ANGPTL1: variants seen among roughly 807,000 people sequenced by gnomAD.
ANGPTL1 encodes angiopoietin-related protein 1.
Under a neutral mutation model 46.7 loss-of-function variants are expected in ANGPTL1, and 36 were observed. The ratio of observed to expected loss-of-function variants is 0.77; its 90% CI spans 0.59 to 1.02. The LOEUF (loss-of-function observed/expected upper bound fraction) is 1.02. ANGPTL1 is among the 50% of genes least tolerant of loss of function. The probability of loss-of-function intolerance (pLI) is 0.00; values close to 1 mark genes in which losing one functional copy is unlikely to be tolerated. For missense variants in ANGPTL1, 571 were observed against 594.7 expected (o/e 0.96, Z 0.41); for synonymous variants, 221 against 204.3 (o/e 1.08, Z -0.69).
At chr1:178,857,285 T>C (rs973968777) in intron 3 of ANGPTL1, among the ~76,000 whole-genome samples, 6 of 152,328 alleles carry the variant, frequency 3.9e-5, no homozygotes, top group South Asian at 4.1e-4. Flanking sequence ...AATTCAGATA[T>C]GTAGATATGA....
Position 178,869,854 on chromosome 1 carries a change from G to GT in ANGPTL1, c.-136-632dup, listed in dbSNP as rs1243717776. On this transcript the variant is annotated intron_variant, in intron 1 of 5. Coordinates refer to ENST00000234816, the MANE Select transcript of ANGPTL1 (RefSeq NM_004673.4). ...GTAACGAGTAATTTTATCTTTAATA[G>GT]TTTTTATAATGCATGTAAAAAAAGC... Among the ~76,000 whole-genome samples the GT allele has an allele frequency of 3.0e-4, 45 of 152,096 alleles. 1 individual carries two copies. The highest frequency in any genetic ancestry group is 2.9e-3 in the South Asian group (14 of 4,818).
rs55797277 is a variant in ANGPTL1 at position 178,856,202 on chromosome 1, G to GATATATATATATAT, written c.824-2429_824-2416dup. Among the ~76,000 whole-genome samples, 204 of 83,878 alleles carry GATATATATATATAT rather than the reference G, an allele frequency of 2.4e-3. 3 individuals are homozygous for GATATATATATATAT. The highest frequency in any genetic ancestry group is 0.012 in the African/African-American group (188 of 15,564). The allele number at this position is 83,878 out of a possible 152,430, so 55.0% of individuals were successfully genotyped here. On this transcript the variant is annotated intron_variant, in intron 3 of 5. Coordinates refer to ENST00000234816, the MANE Select transcript of ANGPTL1 (RefSeq NM_004673.4). The stretch of plus-strand genomic sequence containing the variant: ...ACCTGTACTTTTCCAGAGAGAGAGA[G>GATATATATATATAT]ATATATATATATATATATATATATA...
At chr1:178,859,335 G>T (rs979905855) in intron 3 of ANGPTL1, among the ~76,000 whole-genome samples, 1 of 150,446 alleles carries the variant, frequency 6.6e-6, no homozygotes, top group Admixed American at 6.6e-5. Context: ...AATATTTGGT[G>T]ATTTAAAATA....
At chr1:178,853,478 A>C in intron 4 of ANGPTL1, 116 bp downstream of exon 4, 1 of 916,336 alleles carries the variant, frequency 1.1e-6, no homozygotes, top group Middle Eastern at 3.1e-4. Context: ...TAATGAAAAA[A>C]CATATGGATA....
chr1:178,861,663 T>C (rs1658021016), intron 3 of ANGPTL1, among the ~76,000 whole-genome samples: 1 of 152,182 alleles, frequency 6.6e-6, no homozygotes, highest in African/African-American at 2.4e-5. Flanking sequence ...GTATACCTCA[T>C]CAGTTAAAAA....
Position 178,865,751 on chromosome 1 carries a change from C to G in ANGPTL1, c.26G>C (p.Gly9Ala), listed in dbSNP as rs1385530954. 1 of 1,606,640 alleles carries G rather than the reference C, an allele frequency of 6.2e-7. No individual in the cohort carries two copies. The highest frequency in any genetic ancestry group is 8.5e-7 in the Non-Finnish European group (1 of 1,177,388). Reference protein sequence around the residue: MKTFTWTLGVLFFLLVDTG... With the variant: MKTFTWTLAVLFFLLVDTG... Reference sequence around the variant, plus strand: ...GTCCACTAGTAGGAAGAATAGCACACCTAGGGTCCAGGTAAAAGTCTTCAT... The same window carrying G: ...GTCCACTAGTAGGAAGAATAGCACAGCTAGGGTCCAGGTAAAAGTCTTCAT... The change falls in exon 3 of 6, where the codon GGT becomes GCT. Residue 9 changes from glycine to alanine, a missense_variant. Coordinates refer to ENST00000234816, the MANE Select transcript of ANGPTL1 (RefSeq NM_004673.4).
rs922561346 is a variant in ANGPTL1 at position 178,865,303 on chromosome 1, G to C, written c.474C>G (p.Ile158Met). ...SLELSQLENKILNVTTEMLKM... is the reference protein window; with the variant it reads ...SLELSQLENKMLNVTTEMLKM... ...TCAACATTTCTGTGGTGACATTGAG[G>C]ATTTTGTTTTCCAGTTGGGAAAGTT... Residue 158 changes from isoleucine (I) to methionine (M), a missense_variant, in exon 3 of 6, where the codon ATC becomes ATG. By Grantham distance (10) the Ile-to-Met change is conservative. Transcript: ENST00000234816. 1 of 1,614,060 alleles carries C rather than the reference G, an allele frequency of 6.2e-7. No individual in the cohort carries two copies. Among genetic ancestry groups the C allele is most frequent in the Non-Finnish European group, 8.5e-7 (1 of 1,179,968 alleles).
At chr1:178,858,564 CA>C (rs1353447987) in intron 3 of ANGPTL1, among the ~76,000 whole-genome samples, 5 of 152,110 alleles carry the variant, frequency 3.3e-5, no homozygotes, top group Non-Finnish European at 1.5e-5. Flanking sequence ...AGAGTCTTCT[CA>C]AAGCAGGCAA....
At chr1:178,857,761 A>G (rs1258531716) in intron 3 of ANGPTL1, among the ~76,000 whole-genome samples, 1 of 152,170 alleles carries the variant, frequency 6.6e-6, no homozygotes, top group Non-Finnish European at 1.5e-5. Context: ...ACATTTAAGT[A>G]TATATTCAAA....
chr1:178,855,798 G>C (rs569784214), intron 3 of ANGPTL1, among the ~76,000 whole-genome samples: 3 of 151,626 alleles, frequency 2.0e-5, no homozygotes, highest in East Asian at 3.9e-4. Flanking sequence ...TTTTTCAAAG[G>C]CTTTTAAAAT....
chr1:178,857,641 C>T (rs1165010633), intron 3 of ANGPTL1, among the ~76,000 whole-genome samples: 1 of 152,138 alleles, frequency 6.6e-6, no homozygotes, highest in African/African-American at 2.4e-5. Flanking sequence ...ATATTTATCT[C>T]ATTTTATAAA....
rs1180755030 is a variant in ANGPTL1 at position 178,852,324 on chromosome 1, C to T, written c.1288+359G>A. ...CCTCCAGTGAGTAAGCTCCAAAGGG[C>T]GGGAACTTTGTTCACTGTTATATCC... is the stretch of plus-strand genomic sequence containing the variant. On this transcript the variant is annotated intron_variant, in intron 5 of 5. Coordinates refer to ENST00000234816, the MANE Select transcript of ANGPTL1 (RefSeq NM_004673.4). 2.6e-5 allele frequency among the ~76,000 whole-genome samples: 4 copies of T among 152,264 alleles called. No individual in the cohort carries two copies. The East Asian group carries it at 5.8e-4, about 22-fold the overall frequency.
chr1:178,851,231 G>A lies in ANGPTL1; in HGVS notation c.1374C>T (p.Gly458=). The A allele has an allele frequency of 1.2e-6, 2 of 1,613,924 alleles. No homozygotes were observed. The highest frequency in any genetic ancestry group is 1.1e-5 in the South Asian group (1 of 91,064). ...CATCTTGGTGCTTGCTTCTGTAATG[G>A]CCTCCTCTGTACCATACTCCATTTA... ...SNLNGVWYRG[G]HYRSKHQDGI... is the part of the protein sequence containing the mutation. The change falls in exon 6 of 6, where the codon GGC becomes GGT. Residue 458 remains glycine, a synonymous_variant. Transcript: ENST00000234816.
chr1:178,856,926 A>G (rs1449845043), intron 3 of ANGPTL1, among the ~76,000 whole-genome samples: 1 of 152,190 alleles, frequency 6.6e-6, no homozygotes, highest in Non-Finnish European at 1.5e-5. Flanking sequence ...CCTGTGGCAC[A>G]AAACATTAAT....
intron 2 of ANGPTL1, among the ~76,000 whole-genome samples, chr1:178,867,067 CAG>C (rs778389414): frequency 9.9e-5 from 15 of 152,124 alleles, no homozygotes; most frequent in Non-Finnish European, 1.8e-4. Flanking sequence ...TACCCTAAGA[CAG>C]AGCTTTTCTG....
At chr1:178,852,441 G>C (rs1657235737) in intron 5 of ANGPTL1, among the ~76,000 whole-genome samples, 1 of 152,104 alleles carries the variant, frequency 6.6e-6, no homozygotes, top group East Asian at 1.9e-4. Context: ...CCAGATTAAT[G>C]TGTTTCTGTT....
At chr1:178,856,901 A>G (rs1224042769) in intron 3 of ANGPTL1, among the ~76,000 whole-genome samples, 1 of 152,190 alleles carries the variant, frequency 6.6e-6, no homozygotes, top group African/African-American at 2.4e-5. Flanking sequence ...CATAATTTGT[A>G]TTCAGCTGCA....
chr1:178,862,095 A>G (rs1658058295), intron 3 of ANGPTL1, among the ~76,000 whole-genome samples: 1 of 151,584 alleles, frequency 6.6e-6, no homozygotes, highest in Non-Finnish European at 1.5e-5. Flanking sequence ...CTGGTCTCAA[A>G]CTCCTGACCT....
In ANGPTL1 at chr1:178,865,819, C is replaced by A. The variant is rs1282082712; in HGVS notation, c.-26-17G>T. 1.4e-6 allele frequency: 2 copies of A among 1,452,708 alleles called. No individual in the cohort carries two copies. Among genetic ancestry groups the A allele is most frequent in the Non-Finnish European group, 9.2e-7 (1 of 1,081,482 alleles). The allele number at this position is 1,452,708 out of a possible 1,614,324, so 90.0% of individuals were successfully genotyped here. A position where few individuals can be genotyped will look rare whatever the true frequency, so the allele number is the denominator to read the frequency against. ...AAATGATGTCTTTTGAAAAACAAATCAGTGAAGGAGAAAAAGCAAAAAGAA... is the reference window on the plus strand; with the variant it reads ...AAATGATGTCTTTTGAAAAACAAATAAGTGAAGGAGAAAAAGCAAAAAGAA... On this transcript the variant is annotated splice_polypyrimidine_tract_variant and intron_variant, in intron 2 of 5. Coordinates refer to ENST00000234816, the MANE Select transcript of ANGPTL1 (RefSeq NM_004673.4).
Sources: gnomAD v4.1 joint callset for allele counts (sites outside exome capture counted in the v4.1 genomes callset) on GRCh38, gnomAD v4.1.1 for gene constraint, MANE v1.5 for transcripts, NCBI Gene and HGNC (gene_info 2026-07-23, HGNC 2026-07-21) for gene names.